Variants in ERC1 observed in about 807,000 individuals in gnomAD.
The protein encoded by ERC1 is ELKS/RAB6-interacting/CAST family member 1, also known as RAB6 interacting protein 2.
Under a neutral mutation model 132.0 loss-of-function variants are expected in ERC1, and 56 were observed. The observed-to-expected ratio is 0.42, with a 90% CI of 0.34 to 0.53. ERC1 has a LOEUF of 0.53. ERC1 is among the 20% of genes least tolerant of loss of function. ERC1 has a pLI of 0.03. For missense variants in ERC1, 1,202 were observed against 1,349.9 expected (o/e 0.89, Z 1.72); for synonymous variants, 478 against 476.1 (o/e 1.00, Z -0.05).
intron 18 of ERC1, among the ~76,000 whole-genome samples, chr12:1,478,097 T>G (rs1016024547): frequency 2.0e-5 from 3 of 152,222 alleles, no homozygotes; most frequent in Non-Finnish European, 4.4e-5. Context: ...TTGTTCAGCT[T>G]GGCATTCAAC....
At chr12:1,238,960 G>C (rs2075612672) in intron 13 of ERC1, among the ~76,000 whole-genome samples, 1 of 152,132 alleles carries the variant, frequency 6.6e-6, no homozygotes, top group Admixed American at 6.5e-5. Flanking sequence ...TTATGAAAAA[G>C]ATAGCTGATG....
chr12:1,225,018 C>CA (rs1397983347), intron 12 of ERC1, among the ~76,000 whole-genome samples: 1 of 151,826 alleles, frequency 6.6e-6, no homozygotes, highest in Non-Finnish European at 1.5e-5. Flanking sequence ...AATGAATTTT[C>CA]AAAAAACAAA....
intron 15 of ERC1, among the ~76,000 whole-genome samples, chr12:1,308,800 C>T (rs180703528): frequency 6.6e-6 from 1 of 152,324 alleles, no homozygotes; most frequent in East Asian, 1.9e-4. Flanking sequence ...CAGAACTGTG[C>T]TGTGCTTTTA....
intron 15 of ERC1, among the ~76,000 whole-genome samples, chr12:1,352,513 T>C (rs73038663): frequency 0.034 from 5,217 of 152,328 alleles, 110 homozygotes; most frequent in African/African-American, 0.045. Flanking sequence ...TACTTACCTT[T>C]CTCATAGAAG....
In ERC1 at chr12:1,474,380, G is replaced by A. The variant is rs147946306; in HGVS notation, c.3214-15713G>A. ...TCATTCACTGACCCCTCTTGTAACC[G>A]TCCCTTCTTTATACCCATCAATACA... is the stretch of plus-strand genomic sequence containing the variant. On this transcript the variant is annotated intron_variant, in intron 18 of 18. Coordinates refer to ENST00000360905, the MANE Select transcript of ERC1 (RefSeq NM_178040.4). Among the ~76,000 whole-genome samples, 7 of 152,246 alleles carry A rather than the reference G, an allele frequency of 4.6e-5. No homozygotes were observed. In the East Asian group the frequency reaches 5.8e-4, roughly 13 times the overall value.
intron 8 of ERC1, among the ~76,000 whole-genome samples, chr12:1,142,217 C>CA (rs1289154085): frequency 6.6e-6 from 1 of 151,420 alleles, no homozygotes; most frequent in African/African-American, 2.4e-5. Flanking sequence ...CATATATGAG[C>CA]AAAAAAAATG....
At chr12:1,408,352 AAAAT>A (rs2091638928) in intron 17 of ERC1, 105 bp downstream of exon 17, 1 of 708,934 alleles carries the variant, frequency 1.4e-6, no homozygotes, top group African/African-American at 1.8e-5. Flanking sequence ...TAGAAGAATA[AAAAT>A]AAATAGCTAA....
chr12:1,273,054 G>A (rs1005918447), intron 14 of ERC1, among the ~76,000 whole-genome samples: 24 of 151,280 alleles, frequency 1.6e-4, no homozygotes, highest in Admixed American at 1.4e-3. Flanking sequence ...TACTAAGCCA[G>A]ATGTTCTATA....
chr12:1,284,731 T>G (rs896313689), intron 14 of ERC1, among the ~76,000 whole-genome samples: 4 of 152,158 alleles, frequency 2.6e-5, no homozygotes, highest in Non-Finnish European at 4.4e-5. Context: ...AGCGCAGTGG[T>G]GTGATCATAG....
chr12:1,273,351 C>T (rs2078014833), intron 14 of ERC1, among the ~76,000 whole-genome samples: 2 of 152,140 alleles, frequency 1.3e-5, no homozygotes, highest in Admixed American at 1.3e-4. Flanking sequence ...AATGCTCACT[C>T]GTAGTGGTCA....
chr12:1,175,586 T>G (rs958143281), intron 8 of ERC1, among the ~76,000 whole-genome samples: 1 of 150,016 alleles, frequency 6.7e-6, no homozygotes, highest in Non-Finnish European at 1.5e-5. Context: ...CGGGCTGGAG[T>G]GCAATGGCGT....
Position 1,126,986 on chromosome 12 carries a change from C to CAAAAAAAAAAAA in ERC1, c.1569+10969_1569+10980dup, listed in dbSNP as rs71055135. Among the ~76,000 whole-genome samples the CAAAAAAAAAAAA allele has an allele frequency of 1.0e-2, 1,137 of 113,712 alleles. 25 individuals are homozygous for CAAAAAAAAAAAA. The highest frequency in any genetic ancestry group is 0.014 in the Non-Finnish European group (835 of 57,986). 74.6% of individuals were successfully genotyped at this position (113,712 alleles called of 152,430 possible). On this transcript the variant is annotated intron_variant, in intron 7 of 18. Transcript: ENST00000360905. ...CTGGCGACAGAGTGAGATTCTGTCTCAAAAAAAAAAAAAAAAAAAAAAAAA... is the reference window on the plus strand; with the variant it reads ...CTGGCGACAGAGTGAGATTCTGTCTCAAAAAAAAAAAAAAAAAAAAAAAAAAAAAAAAAAAAA...
intron 16 of ERC1, among the ~76,000 whole-genome samples, chr12:1,405,600 G>A (rs1228947383): frequency 6.6e-6 from 1 of 152,170 alleles, no homozygotes; most frequent in Non-Finnish European, 1.5e-5. Context: ...CTACTCGGGA[G>A]GCTGAGGCAG....
intron 3 of ERC1, among the ~76,000 whole-genome samples, chr12:1,084,607 A>G (rs549758054): frequency 2.4e-4 from 37 of 152,266 alleles, no homozygotes; most frequent in South Asian, 1.0e-3. Flanking sequence ...GATTAACAAA[A>G]ACTTATAACT....
chr12:1,024,303 C>T (rs1289713715), intron 1 of ERC1, among the ~76,000 whole-genome samples: 1 of 152,104 alleles, frequency 6.6e-6, no homozygotes, highest in Non-Finnish European at 1.5e-5. Flanking sequence ...AGTGCTTGAG[C>T]CTGGGAGGTT....
intron 15 of ERC1, among the ~76,000 whole-genome samples, chr12:1,357,157 T>C (rs1309721741): frequency 6.6e-6 from 1 of 152,184 alleles, no homozygotes; most frequent in Admixed American, 6.5e-5. Flanking sequence ...GTACCACAAA[T>C]CCCAAAATTA....
chr12:1,435,790 A>G (rs1221945390), intron 17 of ERC1, among the ~76,000 whole-genome samples: 4 of 152,210 alleles, frequency 2.6e-5, no homozygotes, highest in African/African-American at 7.2e-5. Context: ...ATTAAAGATC[A>G]GATTTCTGTA....
intron 14 of ERC1, among the ~76,000 whole-genome samples, chr12:1,277,245 A>C (rs2078337231): frequency 6.6e-6 from 1 of 152,250 alleles, no homozygotes; most frequent in African/African-American, 2.4e-5. Context: ...CGGAAGTACC[A>C]GGCCACCATG....
chr12:1,239,189 G>C (rs761087611), intron 13 of ERC1, among the ~76,000 whole-genome samples: 1 of 152,110 alleles, frequency 6.6e-6, no homozygotes, highest in Non-Finnish European at 1.5e-5. Flanking sequence ...TCCTGTCTCA[G>C]CCTCCCAAGT....
Sources: gnomAD v4.1 joint callset for allele counts (sites outside exome capture counted in the v4.1 genomes callset) on GRCh38, gnomAD v4.1.1 for gene constraint, MANE v1.5 for transcripts, NCBI Gene and HGNC (gene_info 2026-07-23, HGNC 2026-07-21) for gene names.